EYS: variants seen among roughly 807,000 people sequenced by gnomAD.
EYS encodes EGF-like photoreceptor maintenance factor.
Under a neutral mutation model 282.1 loss-of-function variants are expected in EYS, and 250 were observed. That is an observed-to-expected ratio of 0.89 (90% CI 0.80 to 0.98). The LOEUF is 0.98. EYS is among the 50% of genes least tolerant of loss of function. EYS has a pLI of 0.00. For synonymous variants in EYS, 1,355 were observed against 1,282.9 expected (o/e 1.06, Z -1.20); for missense variants, 4,016 against 3,709.0 (o/e 1.08, Z -2.15).
chr6:64,534,046 A>T (rs1417114796), intron 26 of EYS, among the ~76,000 whole-genome samples: 1 of 151,774 alleles, frequency 6.6e-6, no homozygotes, highest in Non-Finnish European at 1.5e-5. Flanking sequence ...TGGACAAGAG[A>T]ACTTTTGCTA....
At chr6:64,700,036 T>A (rs1194883283) in intron 22 of EYS, among the ~76,000 whole-genome samples, 1 of 151,946 alleles carries the variant, frequency 6.6e-6, no homozygotes, top group African/African-American at 2.4e-5. Flanking sequence ...TAATATACCA[T>A]AATCAAGTGG....
intron 26 of EYS, among the ~76,000 whole-genome samples, chr6:64,568,698 A>T (rs1156961497): frequency 1.3e-5 from 2 of 152,168 alleles, no homozygotes; most frequent in Non-Finnish European, 2.9e-5. Context: ...GACACCTCCC[A>T]GCAGGGGTCG....
Position 65,174,689 on chromosome 6 carries a change from A to G in EYS, c.2024-116962T>C, listed in dbSNP as rs74895448. 5.9e-3 allele frequency among the ~76,000 whole-genome samples: 900 copies of G among 151,460 alleles called. 33 individuals carry two copies. The highest frequency in any genetic ancestry group is 0.039 in the Admixed American group (593 of 15,174). ...ATAGCTGACATTCATGTTAGCAAGC[A>G]TTTTTTATTCCACATTCTCTATGCT... On this transcript the variant is annotated intron_variant, in intron 12 of 42. Coordinates refer to ENST00000503581, the MANE Select transcript of EYS (RefSeq NM_001142800.2).
intron 33 of EYS, among the ~76,000 whole-genome samples, chr6:64,007,371 T>A (rs1768399228): frequency 6.6e-6 from 1 of 151,778 alleles, no homozygotes; most frequent in Non-Finnish European, 1.5e-5. Flanking sequence ...TGTGTTTGAG[T>A]CTTTTTTTTT....
intron 12 of EYS, among the ~76,000 whole-genome samples, chr6:65,290,733 T>A (rs1768502068): frequency 4.0e-5 from 6 of 151,548 alleles, no homozygotes; most frequent in Middle Eastern, 3.4e-3. Context: ...CATCAGTGTG[T>A]GCAATTTGCA....
chr6:64,703,429 A>ATATTTTTTATTT (rs869208549), intron 22 of EYS, among the ~76,000 whole-genome samples: 1 of 23,366 alleles, frequency 4.3e-5, no homozygotes, highest in Non-Finnish European at 1.1e-4. Context: ...ATATATATAT[A>ATATTTTTTATTT]TTTTTTTTTT....
chr6:64,797,059 T>C (rs1275969422), intron 22 of EYS, among the ~76,000 whole-genome samples: 1 of 152,018 alleles, frequency 6.6e-6, no homozygotes, highest in African/African-American at 2.4e-5. Context: ...AGGAGAAAAA[T>C]CTGATGAAGT....
chr6:63,965,488 A>G (rs1464756590), intron 35 of EYS, among the ~76,000 whole-genome samples: 1 of 152,210 alleles, frequency 6.6e-6, no homozygotes, highest in African/African-American at 2.4e-5. Context: ...ATTTTTGATG[A>G]GCAGGGAAAA....
At chr6:63,812,407 A>G (rs1309527272) in intron 36 of EYS, among the ~76,000 whole-genome samples, 1 of 152,132 alleles carries the variant, frequency 6.6e-6, no homozygotes, top group Non-Finnish European at 1.5e-5. Flanking sequence ...TTAATCTCCT[A>G]TTAAAGTAGT....
chr6:63,755,464 C>T (rs533127125), intron 41 of EYS, among the ~76,000 whole-genome samples: 1 of 152,124 alleles, frequency 6.6e-6, no homozygotes, highest in Admixed American at 6.5e-5. Context: ...ATTTCTGAGG[C>T]CTCTGTTCTG....
At chr6:64,949,084 T>A (rs1209225673) in intron 14 of EYS, among the ~76,000 whole-genome samples, 1 of 151,984 alleles carries the variant, frequency 6.6e-6, no homozygotes, top group Non-Finnish European at 1.5e-5. Context: ...ATTTTCAAGT[T>A]AGAGAGATTA....
chr6:64,509,072 A>G (rs550250704), intron 26 of EYS, among the ~76,000 whole-genome samples: 6 of 152,204 alleles, frequency 3.9e-5, no homozygotes, highest in Admixed American at 3.9e-4. Context: ...TTTTGTTCAC[A>G]TATTTTGAAA....
intron 26 of EYS, among the ~76,000 whole-genome samples, chr6:64,443,317 T>G (rs577295118): frequency 6.6e-6 from 1 of 152,202 alleles, no homozygotes; most frequent in South Asian, 2.1e-4. Context: ...CTATTGTATC[T>G]AGGAAGCAAT....
At chr6:65,100,163 A>G (rs928654994) in intron 12 of EYS, among the ~76,000 whole-genome samples, 2 of 150,898 alleles carry the variant, frequency 1.3e-5, no homozygotes, top group Admixed American at 6.6e-5. Context: ...ACAGTTCACG[A>G]TTACCAGATA....
At chr6:64,752,728 A>T in intron 22 of EYS, among the ~76,000 whole-genome samples, 1 of 152,148 alleles carries the variant, frequency 6.6e-6, no homozygotes, top group Non-Finnish European at 1.5e-5. Context: ...GTCAACATGA[A>T]GGAAAAAAAA....
At chr6:63,838,090 C>T (rs1771854280) in intron 36 of EYS, among the ~76,000 whole-genome samples, 1 of 151,970 alleles carries the variant, frequency 6.6e-6, no homozygotes, top group South Asian at 2.1e-4. Flanking sequence ...TCATCATATC[C>T]TCTTAATGTC....
rs995862502 is a variant in EYS, at chr6:63,726,570, C to T, written c.8182G>A (p.Ala2728Thr). Residue 2728 changes from alanine to threonine, a missense_variant, in exon 42 of 43, where the codon GCT becomes ACT. Physicochemically the swap from Ala to Thr is moderately conservative, Grantham distance 58 (BLOSUM62 0). Coordinates refer to ENST00000503581, the MANE Select transcript of EYS (RefSeq NM_001142800.2). Reference protein sequence around the residue: ...THIQLQFQPLAADGILFYAAQ... With the variant: ...THIQLQFQPLTADGILFYAAQ... ...GCATAAAATAGGATACCATCTGCAG[C>T]GAGAGGCTGAAACTGCAATTGAATA... 9.0e-6 allele frequency: 14 copies of T among 1,551,112 alleles called. No homozygotes were observed. Among genetic ancestry groups the T allele is most frequent in the South Asian group, 7.1e-5 (6 of 84,040 alleles).
intron 31 of EYS, among the ~76,000 whole-genome samples, chr6:64,203,514 A>G (rs1043818837): frequency 6.6e-6 from 1 of 152,174 alleles, no homozygotes; most frequent in South Asian, 2.1e-4. Context: ...TACAGCATCC[A>G]CTAGACTAAT....
At chr6:65,544,627 C>A (rs1423245970) in intron 2 of EYS, among the ~76,000 whole-genome samples, 1 of 152,184 alleles carries the variant, frequency 6.6e-6, no homozygotes, top group African/African-American at 2.4e-5. Context: ...AACTGTGACA[C>A]AATTAAACCT....
Sources: allele counts gnomAD v4.1 joint callset (sites outside exome capture counted in the v4.1 genomes callset), GRCh38; gene constraint gnomAD v4.1.1; transcripts MANE v1.5; gene names NCBI Gene and HGNC (gene_info 2026-07-23, HGNC 2026-07-21).